The following STAM variants were observed in gnomAD, a reference collection of about 807,000 sequenced individuals.
The protein encoded by STAM is signal transducing adaptor molecule, also known as signal transducing adapter molecule 1.
Under a neutral mutation model 63.4 loss-of-function variants are expected in STAM, and 16 were observed. The observed-to-expected ratio is 0.25, with a 90% CI of 0.17 to 0.38. The LOEUF (loss-of-function observed/expected upper bound fraction) is 0.38. Among genes scored for constraint, STAM ranks in the 10% least tolerant of loss-of-function variants. The pLI is 1.00. For synonymous variants in STAM, 238 were observed against 223.9 expected (o/e 1.06, Z -0.56); for missense variants, 636 against 657.1 (o/e 0.97, Z 0.35).
chr10:17,679,579 GTT>G (rs35190108), intron 2 of STAM, among the ~76,000 whole-genome samples: 6,855 of 143,136 alleles, frequency 0.048, 197 homozygotes, highest in Middle Eastern at 0.14. Flanking sequence ...ATTTGCGTGT[GTT>G]TTTTTTTTTT....
intron 1 of STAM, among the ~76,000 whole-genome samples, chr10:17,648,525 G>T (rs782750157): frequency 1.3e-5 from 2 of 152,080 alleles, no homozygotes; most frequent in Admixed American, 6.5e-5. Flanking sequence ...CTTTGGGTCC[G>T]TGCTACCTTT....
chr10:17,688,972 G>T (rs1286778031), intron 5 of STAM, among the ~76,000 whole-genome samples: 2 of 152,088 alleles, frequency 1.3e-5, no homozygotes, highest in Non-Finnish European at 2.9e-5. Flanking sequence ...AGGGGTAAAT[G>T]GGAAGAGAAG....
chr10:17,709,324 G>C (rs1224641593), intron 13 of STAM, among the ~76,000 whole-genome samples: 1 of 151,898 alleles, frequency 6.6e-6, no homozygotes. Context: ...TCTAAATTCC[G>C]TTATTTTAAA....
rs57017755 is a variant in STAM, at chr10:17,644,392, G to C, written c.40+13G>C. 1.6e-3 allele frequency: 2,587 copies of C among 1,613,964 alleles called. 34 individuals carry two copies. In the African/African-American group the frequency reaches 0.031, roughly 19 times the overall value. ...GATCAGGATGTTGGTAAGTGTTTTT[G>C]CCTCTCCCTGCCCATTCCTCACCGG... On this transcript the variant is annotated intron_variant, in intron 1 of 13. Coordinates refer to ENST00000377524, the MANE Select transcript of STAM (RefSeq NM_003473.4).
rs995920774 is a variant in STAM at position 17,673,135 on chromosome 10, A to G, written c.126-11540A>G. 1.5e-5 allele frequency: 10 copies of G among 662,358 alleles called. No individual in the cohort carries two copies. In the African/African-American group the frequency reaches 1.8e-4, roughly 12 times the overall value. 41.0% of individuals were successfully genotyped at this position (662,358 alleles called of 1,614,324 possible). A position where few individuals can be genotyped will look rare whatever the true frequency, so the allele number is the denominator to read the frequency against. ...TAAGTGCACGTGCAGATTTTCTCTT[A>G]CCATGTATTTTTACAAAATATTTTG... is the stretch of plus-strand genomic sequence containing the variant. On this transcript the variant is annotated intron_variant, in intron 2 of 13. Coordinates refer to ENST00000377524, the MANE Select transcript of STAM (RefSeq NM_003473.4).
intron 1 of STAM, among the ~76,000 whole-genome samples, chr10:17,658,429 A>G (rs1834029107): frequency 6.6e-6 from 1 of 152,182 alleles, no homozygotes; most frequent in African/African-American, 2.4e-5. Flanking sequence ...GAAGTAGTCT[A>G]TAAATGTCAA....
chr10:17,680,487 A>T (rs190846342), intron 2 of STAM, among the ~76,000 whole-genome samples: 6 of 151,320 alleles, frequency 4.0e-5, no homozygotes, highest in African/African-American at 1.5e-4. Flanking sequence ...CAGTGGCGCA[A>T]TCGTGGCTCA....
Position 17,716,433 on chromosome 10 carries a change from TC to T in STAM, c.*1654del, listed in dbSNP as rs1442970620. Among the ~76,000 whole-genome samples the T allele has an allele frequency of 6.6e-6, 1 of 152,068 alleles. No individual in the cohort carries two copies. On this transcript the variant is annotated 3_prime_UTR_variant, in exon 14 of 14. Transcript: ENST00000377524. Reference sequence around the variant, plus strand: ...TAAGTGTTTCGCTCAAGTGTTGTGTTCTGATTTCCTGTGTTTAAAATATGTT... The same window carrying T: ...TAAGTGTTTCGCTCAAGTGTTGTGTTTGATTTCCTGTGTTTAAAATATGTT...
intron 1 of STAM, among the ~76,000 whole-genome samples, chr10:17,656,986 C>T (rs1052584076): frequency 6.6e-6 from 1 of 152,168 alleles, no homozygotes; most frequent in Non-Finnish European, 1.5e-5. Flanking sequence ...GCGCAGTGCC[C>T]TCCTTATACT....
intron 6 of STAM, among the ~76,000 whole-genome samples, chr10:17,693,916 G>GT (rs1835650325): frequency 6.6e-6 from 1 of 152,114 alleles, no homozygotes; most frequent in African/African-American, 2.4e-5. Context: ...CATTGGCAGT[G>GT]TATGAAAGCT....
Position 17,684,851 on chromosome 10 carries a change from C to T in STAM, c.221C>T (p.Ser74Leu). 2 of 1,613,962 alleles carry T rather than the reference C, an allele frequency of 1.2e-6. No homozygotes were observed. Among genetic ancestry groups the T allele is most frequent in the Non-Finnish European group, 1.7e-6 (2 of 1,179,912 alleles). Residue 74 changes from serine (S) to leucine (L), a missense_variant, in exon 4 of 14, where the codon TCA (serine) becomes TTA (leucine). Ser to Leu is a moderately radical substitution (Grantham distance 145). Around this residue, in one of 3 missense-constraint regions of STAM, gnomAD observed 17 missense variants for 39.9 expected, o/e 0.43. Coordinates refer to ENST00000377524, the MANE Select transcript of STAM (RefSeq NM_003473.4). Reference sequence around the variant, plus strand: ...TTTTAGCTTCTAGGAGCATGTGTATCAAACTGTGGCAAAATTTTTCATTTA... The same window carrying T: ...TTTTAGCTTCTAGGAGCATGTGTATTAAACTGTGGCAAAATTTTTCATTTA... ...QALTLLGACV[S>L]NCGKIFHLEV...
chr10:17,714,362 A>T (rs1355116423), intron 13 of STAM, among the ~76,000 whole-genome samples, 181 bp from the exon 14 acceptor site: 1 of 151,650 alleles, frequency 6.6e-6, no homozygotes, highest in Non-Finnish European at 1.5e-5. Flanking sequence ...CATATTTTTA[A>T]TGCAATGCCT....
chr10:17,657,343 C>T (rs571529815), intron 1 of STAM, among the ~76,000 whole-genome samples: 1 of 152,242 alleles, frequency 6.6e-6, no homozygotes, highest in South Asian at 2.1e-4. Context: ...CCCTCTCCTG[C>T]CCTGCTCGTA....
In STAM at chr10:17,654,025, C is replaced by G. The variant is rs144157298; in HGVS notation, c.41-6439C>G. Reference sequence around the variant, plus strand: ...AGTTGGTCAGAAGTGCCTGGGGACCCCAGAGCTTGTGTCTGAGGTTTGAAG... The same window carrying G: ...AGTTGGTCAGAAGTGCCTGGGGACCGCAGAGCTTGTGTCTGAGGTTTGAAG... On this transcript the variant is annotated intron_variant, in intron 1 of 13. Transcript: ENST00000377524. Among the ~76,000 whole-genome samples the G allele has an allele frequency of 2.0e-5, 3 of 152,056 alleles. No individual in the cohort carries two copies. The South Asian group carries it at 6.2e-4, about 32-fold the overall frequency.
chr10:17,681,230 T>C (rs1223947245), intron 2 of STAM, among the ~76,000 whole-genome samples: 1 of 150,132 alleles, frequency 6.7e-6, no homozygotes, highest in Non-Finnish European at 1.5e-5. Flanking sequence ...TAGGTGCTTA[T>C]AGGTATAAAT....
chr10:17,708,516 A>G (rs1256180245), intron 12 of STAM, among the ~76,000 whole-genome samples: 1 of 152,240 alleles, frequency 6.6e-6, no homozygotes, highest in Non-Finnish European at 1.5e-5. Context: ...ATTAGTATAA[A>G]GTTTCAGGAT....
At chr10:17,693,151 A>G (rs1835613342) in intron 5 of STAM, 71 bp from the exon 6 acceptor site, 1 of 1,404,860 alleles carries the variant, frequency 7.1e-7, no homozygotes, top group Non-Finnish European at 9.9e-7. Context: ...GGTTTTGCAA[A>G]TTCTTAGGGT....
At chr10:17,661,978 C>T (rs2131585094) in intron 2 of STAM, among the ~76,000 whole-genome samples, 1 of 152,326 alleles carries the variant, frequency 6.6e-6, no homozygotes, top group East Asian at 1.9e-4. Flanking sequence ...TTTTTAACTA[C>T]TGTGTGTTAC....
chr10:17,665,563 T>C (rs977384546), intron 2 of STAM, among the ~76,000 whole-genome samples: 30 of 152,260 alleles, frequency 2.0e-4, no homozygotes, highest in African/African-American at 7.2e-4. Context: ...TTGTATCCTG[T>C]CAGTCTTAGA....
Sources: gnomAD v4.1 joint callset for allele counts (sites outside exome capture counted in the v4.1 genomes callset) on GRCh38, gnomAD v4.1.1 for gene constraint, gnomAD v4.1.1 regional missense constraint, MANE v1.5 for transcripts, NCBI Gene and HGNC (gene_info 2026-07-23, HGNC 2026-07-21) for gene names.